The following ZNF469 variants were observed in gnomAD, a reference collection of about 807,000 sequenced individuals.
ZNF469 encodes the protein zinc finger protein 469.
A neutral mutation model predicts 1.0 loss-of-function variants in ZNF469; 1 was observed. The observed-to-expected ratio is 1.00, with a 90% confidence interval of 0.35 to 4.73. ZNF469 has a LOEUF of 4.73. ZNF469 is among the 30% of genes most tolerant of loss of function. ZNF469 has a pLI of 0.16. For synonymous variants in ZNF469, 2,703 were observed against 2,363.4 expected, an observed-to-expected ratio of 1.14 and a Z score of -4.17; for missense variants, 6,100 against 5,356.3, an observed-to-expected ratio of 1.14 and a Z score of -4.33.
the ZNF469 span, among the ~76,000 whole-genome samples, chr16:88,344,190 G>A: frequency 1.3e-4 from 20 of 149,866 alleles, no homozygotes; most frequent in African/African-American, 4.6e-4. Context: ...CAGAGGAGCC[G>A]AAGGAGACAC....
chr16:88,281,822 G>A, the ZNF469 span, among the ~76,000 whole-genome samples: 1 of 138,618 alleles, frequency 7.2e-6, no homozygotes, highest in Admixed American at 7.2e-5. Context: ...CACACAGGTT[G>A]GTGCTGTGCC....
chr16:88,384,229 G>C (rs2092532406), intron 1 of ZNF469, among the ~76,000 whole-genome samples: 1 of 152,240 alleles, frequency 6.6e-6, no homozygotes, highest in Admixed American at 6.5e-5. Flanking sequence ...ATGCTGGGAA[G>C]TGAGCACAGC....
At chr16:88,148,219 A>T in the ZNF469 span, among the ~76,000 whole-genome samples, 1 of 152,040 alleles carries the variant, frequency 6.6e-6, no homozygotes, top group Admixed American at 6.5e-5. Flanking sequence ...TGCCCCTCTG[A>T]GGGGCAGAGG....
the ZNF469 span, among the ~76,000 whole-genome samples, chr16:88,236,763 A>C: frequency 9.2e-5 from 14 of 151,792 alleles, no homozygotes. Flanking sequence ...GCTACTCTGG[A>C]GGCTGAGGCA....
intron 1 of ZNF469, among the ~76,000 whole-genome samples, chr16:88,395,263 A>G (rs1270444003): frequency 2.5e-5 from 3 of 118,734 alleles, no homozygotes; most frequent in African/African-American, 9.8e-5. Flanking sequence ...GGATGGATGG[A>G]TGGATGGATG....
At chr16:88,329,179 C>T in the ZNF469 span, among the ~76,000 whole-genome samples, 1 of 152,164 alleles carries the variant, frequency 6.6e-6, no homozygotes, top group Admixed American at 6.5e-5. Flanking sequence ...GGTTCATGAG[C>T]TGGGGAGTAA....
At chr16:88,112,574 T>C in the ZNF469 span, among the ~76,000 whole-genome samples, 769 of 152,340 alleles carry the variant, frequency 5.0e-3, 5 homozygotes, top group African/African-American at 0.018. Flanking sequence ...TGGCCATTTG[T>C]GTGTCTCCTT....
the ZNF469 span, among the ~76,000 whole-genome samples, chr16:88,357,947 C>T: frequency 1.3e-5 from 2 of 152,238 alleles, no homozygotes; most frequent in African/African-American, 2.4e-5. Context: ...ACCCGCAGTA[C>T]AGATGCCTGG....
chr16:88,290,112 C>T, the ZNF469 span, among the ~76,000 whole-genome samples: 43 of 152,346 alleles, frequency 2.8e-4, no homozygotes, highest in African/African-American at 9.4e-4. Flanking sequence ...AGCTCAGTCC[C>T]TCTGAGAGCA....
At chr16:88,139,470 T>C in the ZNF469 span, among the ~76,000 whole-genome samples, 8,958 of 26,758 alleles carry the variant, frequency 0.33, 1,950 homozygotes, top group Non-Finnish European at 0.51. Context: ...GGCCTGGGGA[T>C]GTGATGAAGA....
chr16:88,254,839 C>CA, the ZNF469 span, among the ~76,000 whole-genome samples: 364 of 143,180 alleles, frequency 2.5e-3, no homozygotes, highest in African/African-American at 6.9e-3. Flanking sequence ...TCGACTTCCA[C>CA]AAAAAAAAAA....
the ZNF469 span, among the ~76,000 whole-genome samples, chr16:88,128,704 C>T: frequency 6.6e-6 from 1 of 152,366 alleles, no homozygotes; most frequent in Non-Finnish European, 1.5e-5. Context: ...ACGTAAACCC[C>T]TCTAGGCTGT....
At chr16:88,208,169 C>T in the ZNF469 span, among the ~76,000 whole-genome samples, 508 of 151,916 alleles carry the variant, frequency 3.3e-3, 3 homozygotes, top group African/African-American at 0.012. Context: ...CACATTGTCC[C>T]GGGTTTGGTC....
chr16:88,238,150 C>T, the ZNF469 span, among the ~76,000 whole-genome samples: 77 of 152,392 alleles, frequency 5.1e-4, no homozygotes, highest in Non-Finnish European at 8.5e-4. Flanking sequence ...CTCCGCCCCT[C>T]CCAACTGGGA....
At chr16:88,312,160 G>A in the ZNF469 span, among the ~76,000 whole-genome samples, 20 of 151,444 alleles carry the variant, frequency 1.3e-4, no homozygotes, top group African/African-American at 4.8e-4. Flanking sequence ...CATGAGAACA[G>A]TATGGGGGAA....
chr16:88,371,390 G>A, the ZNF469 span, among the ~76,000 whole-genome samples: 1 of 152,214 alleles, frequency 6.6e-6, no homozygotes, highest in Non-Finnish European at 1.5e-5. Context: ...CATAGGACGT[G>A]ACAATTGACA....
the ZNF469 span, among the ~76,000 whole-genome samples, chr16:88,193,953 G>A: frequency 1.3e-5 from 2 of 152,138 alleles, no homozygotes; most frequent in Admixed American, 6.5e-5. Context: ...GTCACCTCTC[G>A]AAGGCCCCAC....
the ZNF469 span, among the ~76,000 whole-genome samples, chr16:88,227,266 G>C: frequency 6.6e-6 from 1 of 152,178 alleles, no homozygotes; most frequent in Non-Finnish European, 1.5e-5. Context: ...GTCTCCCCAG[G>C]GCCGGGAACA....
In ZNF469 at chr16:88,428,246, C is replaced by T. The variant is rs1259004013; in HGVS notation, c.776C>T (p.Pro259Leu). ...CCCCCCGCCGAGCCGGAACCTATTC[C>T]CAAAGGCAGCAGGCCCGGCGGCAGC... ...GVPPAEPEPI[P>L]KGSRPGGSPR... The change falls in exon 3 of 3, where the codon CCC becomes CTC. Residue 259 changes from proline to leucine, a missense_variant. Coordinates refer to ENST00000565624, the MANE Select transcript of ZNF469 (RefSeq NM_001367624.2). 16 of 1,550,270 alleles carry T rather than the reference C, an allele frequency of 1.0e-5. 1 individual carries two copies. The South Asian group carries it at 1.8e-4, about 17-fold the overall frequency.
Sources: allele counts gnomAD v4.1 joint callset (sites outside exome capture counted in the v4.1 genomes callset), GRCh38; gene constraint gnomAD v4.1.1; transcripts MANE v1.5; gene names NCBI Gene and HGNC (gene_info 2026-07-23, HGNC 2026-07-21).